Variants in KLB observed in about 807,000 individuals in gnomAD.
KLB encodes the protein klotho beta.
Under a neutral mutation model 88.4 loss-of-function variants are expected in KLB, and 44 were observed. The observed-to-expected ratio is 0.50, with a 90% CI of 0.39 to 0.64. The LOEUF (loss-of-function observed/expected upper bound fraction) is 0.64, where lower values mean the gene tolerates loss of function less well. KLB is among the 30% of genes least tolerant of loss of function. The probability of loss-of-function intolerance (pLI) is 0.00; values close to 1 mark genes in which losing one functional copy is unlikely to be tolerated. For synonymous variants in KLB, 548 were observed against 513.4 expected (o/e 1.07, Z -0.91); for missense variants, 1,137 against 1,304.8 (o/e 0.87, Z 1.98).
chr4:39,445,686 T>G lies in KLB; in HGVS notation c.1606-646T>G, dbSNP rs113925084. Among the ~76,000 whole-genome samples the G allele has an allele frequency of 6.2e-4, 65 of 105,134 alleles. 2 individuals carry two copies. Among genetic ancestry groups the G allele is most frequent in the South Asian group, 1.4e-3 (5 of 3,620 alleles). The allele number at this position is 105,134 out of a possible 152,430, so 69.0% of individuals were successfully genotyped here. A position where few individuals can be genotyped will look rare whatever the true frequency, so the allele number is the denominator to read the frequency against. ...CGCCTGGCTAATCTTGTTTTTTTGT[T>G]TTTTTTTTTTTTTTTAGTAGAGACG... On this transcript the variant is annotated intron_variant, in intron 3 of 4. Coordinates refer to ENST00000257408, the MANE Select transcript of KLB (RefSeq NM_175737.4).
Position 39,407,783 on chromosome 4 carries a change from CAG to C in KLB, c.825+10_825+11del. 1 of 1,447,548 alleles carries C rather than the reference CAG, an allele frequency of 6.9e-7. No individual in the cohort carries two copies. Among genetic ancestry groups the C allele is most frequent in the Non-Finnish European group, 9.3e-7 (1 of 1,071,946 alleles). 89.7% of individuals were successfully genotyped at this position (1,447,548 alleles called of 1,614,324 possible). On this transcript the variant is annotated intron_variant, in intron 1 of 4. Coordinates refer to ENST00000257408, the MANE Select transcript of KLB (RefSeq NM_175737.4). ...GACACAACTTGATCAAGGTACTGTA[CAG>C]CTAGCTTCTTCTTATAGCTTCAGAA... is the stretch of plus-strand genomic sequence containing the variant.
rs374344758 is a variant in KLB at position 39,433,932 on chromosome 4, A to G, written c.826-278A>G. On this transcript the variant is annotated intron_variant, in intron 1 of 4. Coordinates refer to ENST00000257408, the MANE Select transcript of KLB (RefSeq NM_175737.4). ...TTATGTAGAGGAGGAAACCCTACAC[A>G]CTACCCCAAGAGGGCCCAGGAAGGG... Among the ~76,000 whole-genome samples the G allele has an allele frequency of 2.0e-5, 3 of 152,188 alleles. No individual in the cohort carries two copies. In the South Asian group the frequency reaches 6.2e-4, roughly 31 times the overall value.
chr4:39,427,873 T>C (rs73137417), intron 1 of KLB, among the ~76,000 whole-genome samples: 8,009 of 152,220 alleles, frequency 0.053, 248 homozygotes, highest in African/African-American at 0.064. Context: ...GAAAAACAGG[T>C]CTTTGACAGT....
chr4:39,426,937 C>G (rs147266747), intron 1 of KLB, among the ~76,000 whole-genome samples: 1 of 152,128 alleles, frequency 6.6e-6, no homozygotes, highest in South Asian at 2.1e-4. Flanking sequence ...GATCCTCCCA[C>G]CTCAGCCTCC....
intron 1 of KLB, among the ~76,000 whole-genome samples, chr4:39,426,150 G>A (rs1743207616): frequency 6.6e-6 from 1 of 152,002 alleles, no homozygotes; most frequent in Admixed American, 6.6e-5. Flanking sequence ...TACTCAGGAG[G>A]CTGAGGCAGG....
Position 39,447,411 on chromosome 4 carries a change from G to C in KLB, c.2685G>C (p.Gln895His), listed in dbSNP as rs138363861. 6.2e-7 allele frequency: 1 copy of C among 1,612,908 alleles called. No individual in the cohort carries two copies. The highest frequency in any genetic ancestry group is 1.7e-5 in the Admixed American group (1 of 59,918). Residue 895 changes from glutamine (Q) to histidine (H), a missense_variant, in exon 4 of 5, where the codon CAG becomes CAC. Physicochemically the swap from Gln to His is conservative, Grantham distance 24. Around this residue, in one of 4 missense-constraint regions of KLB, gnomAD observed 426 missense variants for 404.6 expected, o/e 1.05. Coordinates refer to ENST00000257408, the MANE Select transcript of KLB (RefSeq NM_175737.4). Reference protein sequence around the residue: ...IYITASGIDDQALEDDRLRKY... With the variant: ...IYITASGIDDHALEDDRLRKY... The stretch of plus-strand genomic sequence containing the variant: ...TCACCGCCAGTGGCATCGACGACCA[G>C]GCTCTGGAGGATGACCGGCTCCGGA...
At position 39,434,690 on chromosome 4, in the gene KLB, A is replaced by T; in HGVS notation, c.1306A>T (p.Met436Leu). Residue 436 changes from methionine (M) to leucine (L), a missense_variant, in exon 2 of 5, where the codon ATG (methionine) becomes TTG (leucine). By Grantham distance (15) the Met-to-Leu change is conservative. Around this residue, in one of 4 missense-constraint regions of KLB, gnomAD observed 597 missense variants for 765.2 expected, o/e 0.78. Coordinates refer to ENST00000257408, the MANE Select transcript of KLB (RefSeq NM_175737.4). Reference sequence around the variant, plus strand: ...AGAAGACACCACGGCCATCTACATGATGAAGAATTTCCTCAGCCAGGTGCT... The same window carrying T: ...AGAAGACACCACGGCCATCTACATGTTGAAGAATTTCCTCAGCCAGGTGCT... ...KTEDTTAIYM[M>L]KNFLSQVLQA... 6.2e-7 allele frequency: 1 copy of T among 1,613,404 alleles called. No homozygotes were observed. The highest frequency in any genetic ancestry group is 1.3e-5 in the African/African-American group (1 of 74,994).
chr4:39,416,292 T>C (rs1339140229), intron 1 of KLB, among the ~76,000 whole-genome samples: 1 of 152,218 alleles, frequency 6.6e-6, no homozygotes, highest in Admixed American at 6.5e-5. Context: ...ATTGTTTCTA[T>C]TTTTGTGTAT....
intron 1 of KLB, among the ~76,000 whole-genome samples, chr4:39,414,304 GA>G (rs10582036): frequency 0.041 from 5,664 of 137,596 alleles, 278 homozygotes; most frequent in African/African-American, 0.12. Flanking sequence ...ACTGTTTTTA[GA>G]AAAAAAAAAA....
chr4:39,440,915 T>C (rs1393623996), intron 3 of KLB, among the ~76,000 whole-genome samples: 1 of 152,114 alleles, frequency 6.6e-6, no homozygotes, highest in African/African-American at 2.4e-5. Flanking sequence ...TGGAGTGCAG[T>C]GGCGTGATCT....
rs546583358 is a variant in KLB, at chr4:39,430,146, C to T, written c.826-4064C>T. ...CGACTTAGGTCATCTTTCATATAAT[C>T]ACTGAAATTTAGTGTCTGCAAAAGC... On this transcript the variant is annotated intron_variant, in intron 1 of 4. Transcript: ENST00000257408. 2.4e-4 allele frequency among the ~76,000 whole-genome samples: 36 copies of T among 152,288 alleles called. 1 individual carries two copies. The highest frequency in any genetic ancestry group is 7.2e-4 in the Admixed American group (11 of 15,290).
chr4:39,434,113 G>C, intron 1 of KLB, 97 bp from the exon 2 acceptor site: 1 of 1,159,630 alleles, frequency 8.6e-7, no homozygotes, highest in Non-Finnish European at 1.2e-6. Context: ...ATCACTGTAC[G>C]CTGCATTAAT....
intron 3 of KLB, among the ~76,000 whole-genome samples, chr4:39,445,240 G>A (rs1177958035): frequency 3.9e-5 from 6 of 152,024 alleles, no homozygotes; most frequent in East Asian, 1.9e-4. Flanking sequence ...CGATTACTCC[G>A]TCACTATATA....
At chr4:39,410,731 T>C (rs1376090905) in intron 1 of KLB, among the ~76,000 whole-genome samples, 1 of 152,212 alleles carries the variant, frequency 6.6e-6, no homozygotes, top group Non-Finnish European at 1.5e-5. Context: ...AAAACATTTA[T>C]TGAGCTACAC....
rs1743780215 is a variant in KLB, at chr4:39,447,416, T to C, written c.2690T>C (p.Leu897Pro). 2 of 1,612,394 alleles carry C rather than the reference T, an allele frequency of 1.2e-6. No individual in the cohort carries two copies. The highest frequency in any genetic ancestry group is 1.7e-6 in the Non-Finnish European group (2 of 1,179,334). The part of the protein sequence containing the change: ...ITASGIDDQA[L>P]EDDRLRKYYL... ...GCCAGTGGCATCGACGACCAGGCTC[T>C]GGAGGATGACCGGCTCCGGAAGTAC... The change falls in exon 4 of 5, where the codon CTG (leucine) becomes CCG (proline). Residue 897 changes from leucine (L) to proline (P), a missense_variant. This residue lies in a region of KLB where 426 missense variants were observed against 404.6 expected (regional missense o/e 1.05). Transcript: ENST00000257408.
intron 1 of KLB, among the ~76,000 whole-genome samples, chr4:39,415,269 A>G (rs1742942945): frequency 6.6e-6 from 1 of 152,112 alleles, no homozygotes; most frequent in Non-Finnish European, 1.5e-5. Flanking sequence ...TTCTGTTTGT[A>G]TACATATCTA....
intron 3 of KLB, among the ~76,000 whole-genome samples, chr4:39,439,454 GTTT>G (rs547005210): frequency 0.16 from 10,649 of 65,914 alleles, 1,048 homozygotes; most frequent in African/African-American, 0.3. Context: ...TGTTGCTGTT[GTTT>G]TTGTTTTTGT....
intron 3 of KLB, among the ~76,000 whole-genome samples, chr4:39,444,163 A>T (rs1743683489): frequency 6.6e-6 from 1 of 152,096 alleles, no homozygotes; most frequent in African/African-American, 2.4e-5. Flanking sequence ...GTCTCAAATA[A>T]ACAAACAAAC....
chr4:39,434,786 T>G (rs1743435198), intron 2 of KLB, 66 bp downstream of exon 2: 2 of 1,246,254 alleles, frequency 1.6e-6, no homozygotes, highest in South Asian at 2.9e-5. Context: ...AAAGTCACCT[T>G]TGAATATGTA....
Sources: gnomAD v4.1 joint callset for allele counts (sites outside exome capture counted in the v4.1 genomes callset) on GRCh38, gnomAD v4.1.1 for gene constraint, gnomAD v4.1.1 regional missense constraint, MANE v1.5 for transcripts, NCBI Gene and HGNC (gene_info 2026-07-23, HGNC 2026-07-21) for gene names.